The following TRAK1 variants were observed in gnomAD, a reference collection of about 807,000 sequenced individuals.
TRAK1 encodes the protein trafficking kinesin protein 1.
TRAK1 carries 33 observed loss-of-function variants against 92.1 expected under a neutral mutation model. The ratio of observed to expected loss-of-function variants is 0.36; its 90% CI spans 0.27 to 0.48. The LOEUF (loss-of-function observed/expected upper bound fraction) is 0.48, where lower values mean the gene tolerates loss of function less well. Among genes scored for constraint, TRAK1 ranks in the 20% least tolerant of loss-of-function variants. TRAK1 has a pLI of 0.99. For missense variants in TRAK1, 1,123 were observed against 1,257.9 expected, an observed-to-expected ratio of 0.89 and a Z score of 1.62; for synonymous variants, 521 against 517.3, an observed-to-expected ratio of 1.01 and a Z score of -0.10.
chr3:42,036,565 TCA>T (rs1702333701), intron 1 of TRAK1, among the ~76,000 whole-genome samples: 1 of 152,160 alleles, frequency 6.6e-6, no homozygotes, highest in Non-Finnish European at 1.5e-5. Flanking sequence ...CCTCTTGAAA[TCA>T]CAAGCTGTAA....
At chr3:42,200,739 A>C in intron 11 of TRAK1, 79 bp from the exon 12 acceptor site, 2 of 1,466,474 alleles carry the variant, frequency 1.4e-6, no homozygotes, top group Non-Finnish European at 9.5e-7. Context: ...CTTTTGGCTC[A>C]GTTGATCATT....
At chr3:42,062,610 C>T (rs1257301247) in intron 1 of TRAK1, among the ~76,000 whole-genome samples, 2 of 152,184 alleles carry the variant, frequency 1.3e-5, no homozygotes, top group African/African-American at 4.8e-5. Context: ...ATGCATGCTA[C>T]TCTGTGTGAA....
At chr3:42,063,705 G>T (rs1311849105) in intron 1 of TRAK1, among the ~76,000 whole-genome samples, 2 of 150,646 alleles carry the variant, frequency 1.3e-5, no homozygotes, top group Non-Finnish European at 3.0e-5. Flanking sequence ...AAAAAAAAGT[G>T]GTGGGAGCCA....
chr3:42,076,415 G>T (rs1704162343), intron 1 of TRAK1, among the ~76,000 whole-genome samples: 1 of 150,842 alleles, frequency 6.6e-6, no homozygotes, highest in African/African-American at 2.4e-5. Flanking sequence ...TAGTAGAGAT[G>T]GGGTTTCACC....
chr3:42,196,552 T>A (rs1576945034), intron 10 of TRAK1, among the ~76,000 whole-genome samples: 1 of 151,120 alleles, frequency 6.6e-6, no homozygotes, highest in African/African-American at 2.4e-5. Context: ...TTTTTTTTTT[T>A]TTTGAGACGG....
At chr3:42,056,714 A>G (rs1366507008) in intron 1 of TRAK1, among the ~76,000 whole-genome samples, 1 of 152,208 alleles carries the variant, frequency 6.6e-6, no homozygotes, top group Non-Finnish European at 1.5e-5. Context: ...CAAGTGCAAC[A>G]TAAAAGTATG....
At chr3:42,148,241 T>C (rs948888849) in intron 2 of TRAK1, among the ~76,000 whole-genome samples, 5 of 152,172 alleles carry the variant, frequency 3.3e-5, no homozygotes, top group Non-Finnish European at 5.9e-5. Flanking sequence ...TAGTGCTACC[T>C]GCGTTTAGTG....
intron 1 of TRAK1, among the ~76,000 whole-genome samples, chr3:42,111,920 T>C (rs992788586): frequency 1.3e-5 from 2 of 151,528 alleles, no homozygotes; most frequent in Non-Finnish European, 2.9e-5. Context: ...CATCTTCTTT[T>C]TTTTTTTTTT....
At chr3:42,159,203 A>T (rs1434619285) in intron 2 of TRAK1, among the ~76,000 whole-genome samples, 4 of 152,122 alleles carry the variant, frequency 2.6e-5, no homozygotes, top group African/African-American at 7.2e-5. Context: ...GAACTTGTGT[A>T]GAAAATTGTT....
intron 1 of TRAK1, among the ~76,000 whole-genome samples, chr3:42,021,640 G>A (rs1013179063): frequency 9.2e-5 from 14 of 152,118 alleles, no homozygotes; most frequent in Non-Finnish European, 1.9e-4. Flanking sequence ...GCAGTGGCAC[G>A]ATCTTGCCTC....
intron 1 of TRAK1, among the ~76,000 whole-genome samples, chr3:42,028,189 G>C (rs187185509): frequency 3.3e-5 from 5 of 152,304 alleles, no homozygotes; most frequent in African/African-American, 1.2e-4. Context: ...TACAGGTGCC[G>C]GAACACCAGG....
chr3:42,073,833 A>G (rs1201742895), intron 1 of TRAK1, among the ~76,000 whole-genome samples: 2 of 152,232 alleles, frequency 1.3e-5, no homozygotes, highest in Non-Finnish European at 2.9e-5. Flanking sequence ...GTAAGATGAA[A>G]GACGGGAGGA....
chr3:42,057,911 A>G (rs1703264031), intron 1 of TRAK1, among the ~76,000 whole-genome samples: 1 of 152,160 alleles, frequency 6.6e-6, no homozygotes, highest in Admixed American at 6.5e-5. Context: ...AATACAACCA[A>G]CTGAAAGGCG....
intron 13 of TRAK1, among the ~76,000 whole-genome samples, chr3:42,205,048 T>G (rs899268915): frequency 6.6e-6 from 1 of 152,208 alleles, no homozygotes; most frequent in Non-Finnish European, 1.5e-5. Context: ...CACCCCACTT[T>G]TTGAGCCCTG....
At chr3:42,210,468 G>C in intron 14 of TRAK1, 1 of 1,253,728 alleles carries the variant, frequency 8.0e-7, no homozygotes, top group Non-Finnish European at 1.0e-6. Flanking sequence ...CCTTCTTCCT[G>C]GTCTGGGTGT....
chr3:42,089,678 C>G (rs1704890408), upstream of TRAK1, among the ~76,000 whole-genome samples: 2 of 148,630 alleles, frequency 1.3e-5, no homozygotes, highest in Admixed American at 6.8e-5. Flanking sequence ...TTTTGTGACC[C>G]CCCCCCAATA....
chr3:42,174,699 T>C (rs1218266343), intron 2 of TRAK1, among the ~76,000 whole-genome samples: 1 of 148,348 alleles, frequency 6.7e-6, no homozygotes, highest in Non-Finnish European at 1.5e-5. Context: ...ATTATATATA[T>C]ACAAAAATAT....
At chr3:42,213,023 G>GC (rs1307206216) in intron 14 of TRAK1, among the ~76,000 whole-genome samples, 1 of 151,044 alleles carries the variant, frequency 6.6e-6, no homozygotes, top group Non-Finnish European at 1.5e-5. Context: ...CAGTGGCCCT[G>GC]CAGTAGAACC....
At position 42,223,685 on chromosome 3, in the gene TRAK1, C is replaced by T; in HGVS notation, c.2810C>T (p.Thr937Ile). 1 of 1,613,908 alleles carries T rather than the reference C, an allele frequency of 6.2e-7. No individual in the cohort carries two copies. Among genetic ancestry groups the T allele is most frequent in the Non-Finnish European group, 8.5e-7 (1 of 1,179,828 alleles). ...SMQMKAPVTL[T>I]SGILMGAKLS... is the part of the protein sequence containing the mutation. ...CAGATGAAAGCTCCTGTGACTCTCA[C>T]CTCGGGCATCTTGATGGGTGCTAAG... The change falls in exon 16 of 16, where the codon ACC becomes ATC. Residue 937 changes from threonine to isoleucine, a missense_variant. Physicochemically the swap from Thr to Ile is moderately conservative, Grantham distance 89. Around this residue, in one of 3 missense-constraint regions of TRAK1, gnomAD observed 401 missense variants for 438.9 expected, o/e 0.91. Coordinates refer to ENST00000327628, the MANE Select transcript of TRAK1 (RefSeq NM_001042646.3). This position sits in a 1 kb window ranked among gnomAD's most constrained non-coding sequence, Gnocchi z 6.1.
Sources: allele counts gnomAD v4.1 joint callset (sites outside exome capture counted in the v4.1 genomes callset), GRCh38; gene constraint gnomAD v4.1.1; regional missense constraint gnomAD v4.1.1; non-coding constraint Gnocchi (gnomAD v3.1); transcripts MANE v1.5; gene names NCBI Gene and HGNC (gene_info 2026-07-23, HGNC 2026-07-21).